The following TNFRSF19 variants were observed in gnomAD, a reference collection of about 807,000 sequenced individuals.
TNFRSF19 encodes TNF receptor superfamily member 19.
A neutral mutation model predicts 46.4 loss-of-function variants in TNFRSF19; 27 were observed. The ratio of observed to expected loss-of-function variants is 0.58; its 90% CI spans 0.43 to 0.80. TNFRSF19 has a LOEUF of 0.80. TNFRSF19 is among the 30% of genes least tolerant of loss of function. The pLI, the probability that TNFRSF19 is intolerant of heterozygous loss-of-function variation, is 0.00. For missense variants in TNFRSF19, 511 were observed against 530.8 expected, an observed-to-expected ratio of 0.96 and a Z score of 0.37; for synonymous variants, 204 against 205.0, an observed-to-expected ratio of 1.00 and a Z score of 0.04.
intron 1 of TNFRSF19, among the ~76,000 whole-genome samples, chr13:23,589,442 T>C (rs184075921): frequency 5.6e-4 from 85 of 152,362 alleles, no homozygotes; most frequent in Non-Finnish European, 1.0e-3. Context: ...AATTCATAAA[T>C]GCAAAATATT....
At chr13:23,574,762 C>T in intron 1 of TNFRSF19, among the ~76,000 whole-genome samples, 1 of 152,176 alleles carries the variant, frequency 6.6e-6, no homozygotes, top group East Asian at 1.9e-4. Flanking sequence ...GAGGGAGGCT[C>T]CCTGGTGGCT....
rs59117822 is a variant in TNFRSF19 at position 23,614,746 on chromosome 13, C to CATATATATAT, written c.181-1107_181-1098dup. Among the ~76,000 whole-genome samples the CATATATATAT allele has an allele frequency of 1.2e-3, 167 of 134,896 alleles. 3 individuals carry two copies. Among genetic ancestry groups the CATATATATAT allele is most frequent in the African/African-American group, 2.6e-3 (94 of 35,584 alleles). 88.5% of individuals were successfully genotyped at this position (134,896 alleles called of 152,430 possible). A position where few individuals can be genotyped will look rare whatever the true frequency, so the allele number is the denominator to read the frequency against. On this transcript the variant is annotated intron_variant, in intron 3 of 9. Coordinates refer to ENST00000248484, the MANE Select transcript of TNFRSF19 (RefSeq NM_148957.4). The stretch of plus-strand genomic sequence containing the variant: ...AGCCGCTTCCTGTGGATAAGTAATA[C>CATATATATAT]ATATATATATATATATATATATAGT...
At chr13:23,580,435 C>T (rs149128114) in intron 1 of TNFRSF19, among the ~76,000 whole-genome samples, 2 of 152,310 alleles carry the variant, frequency 1.3e-5, no homozygotes, top group African/African-American at 4.8e-5. Flanking sequence ...AAACAGGAAA[C>T]AGTTATTGTT....
intron 1 of TNFRSF19, among the ~76,000 whole-genome samples, chr13:23,571,128 C>T (rs1877609720): frequency 6.6e-6 from 1 of 152,166 alleles, no homozygotes; most frequent in Non-Finnish European, 1.5e-5. Flanking sequence ...CAGAACAGCG[C>T]TCACTTTAGC....
chr13:23,644,668 CAG>C (rs1192538294), intron 5 of TNFRSF19, among the ~76,000 whole-genome samples: 4 of 152,200 alleles, frequency 2.6e-5, no homozygotes. Context: ...ACGCAGCCCT[CAG>C]AGCATATTTG....
At chr13:23,588,939 G>A (rs1203204388) in intron 1 of TNFRSF19, among the ~76,000 whole-genome samples, 1 of 152,224 alleles carries the variant, frequency 6.6e-6, no homozygotes, top group Non-Finnish European at 1.5e-5. Flanking sequence ...GGTTCATCTG[G>A]GTTCAGCCAC....
intron 7 of TNFRSF19, among the ~76,000 whole-genome samples, chr13:23,666,122 T>C (rs1030858866): frequency 6.6e-5 from 10 of 152,254 alleles, no homozygotes; most frequent in African/African-American, 2.2e-4. Context: ...ATCTGGCCTA[T>C]GCCTGGTCAG....
intron 5 of TNFRSF19, among the ~76,000 whole-genome samples, chr13:23,632,164 T>C (rs1882397749): frequency 6.6e-6 from 1 of 151,786 alleles, no homozygotes; most frequent in Admixed American, 6.6e-5. Context: ...TTACTGAGGG[T>C]TTTCAAGTCG....
rs908226556 is a variant in TNFRSF19 at position 23,659,651 on chromosome 13, C to T, written c.610+437C>T. Among the ~76,000 whole-genome samples, 42 of 151,976 alleles carry T rather than the reference C, an allele frequency of 2.8e-4. No individual in the cohort carries two copies. Among genetic ancestry groups the T allele is most frequent in the Admixed American group, 7.9e-4 (12 of 15,242 alleles). ...CCTCCGGAGTAGCTGGGACTACAGG[C>T]GCCCGCCACCACGCCTGGATAATTT... On this transcript the variant is annotated intron_variant, in intron 6 of 9. Transcript: ENST00000248484. The surrounding 1 kb of genome is among the most constrained non-coding windows in gnomAD (Gnocchi z 4.9).
intron 5 of TNFRSF19, among the ~76,000 whole-genome samples, chr13:23,641,518 A>G (rs1883031377): frequency 6.6e-6 from 1 of 152,086 alleles, no homozygotes; most frequent in Non-Finnish European, 1.5e-5. Flanking sequence ...TTTAGCGGAG[A>G]TGGGATTTCA....
At position 23,659,740 on chromosome 13, in the gene TNFRSF19, C is replaced by T. The variant is rs892476432; in HGVS notation, c.610+526C>T. 4.6e-5 allele frequency among the ~76,000 whole-genome samples: 7 copies of T among 152,074 alleles called. No homozygotes were observed. The highest frequency in any genetic ancestry group is 2.6e-4 in the Admixed American group (4 of 15,264). The stretch of plus-strand genomic sequence containing the variant: ...CAGGCTGGTCTCGAACTCCTGACCT[C>T]GTGATCCGCCTGCCTCGGCCTCCCA... On this transcript the variant is annotated intron_variant, in intron 6 of 9. Coordinates refer to ENST00000248484, the MANE Select transcript of TNFRSF19 (RefSeq NM_148957.4). The surrounding 1 kb of genome is among the most constrained non-coding windows in gnomAD (Gnocchi z 4.9).
At chr13:23,668,629 C>G in intron 8 of TNFRSF19, 63 bp from the exon 9 acceptor site, 1 of 1,524,946 alleles carries the variant, frequency 6.6e-7, no homozygotes, top group Non-Finnish European at 8.8e-7. Context: ...GGCTGACATG[C>G]TTCTTTGTAG....
chr13:23,670,661 G>A (rs1031645636), intron 9 of TNFRSF19, among the ~76,000 whole-genome samples: 5 of 152,180 alleles, frequency 3.3e-5, no homozygotes, highest in African/African-American at 9.7e-5. Flanking sequence ...CCCACACAAC[G>A]TAGGAACTGA....
At chr13:23,658,786 G>T (rs747077474) in intron 5 of TNFRSF19, among the ~76,000 whole-genome samples, 1 of 152,246 alleles carries the variant, frequency 6.6e-6, no homozygotes, top group Non-Finnish European at 1.5e-5. Flanking sequence ...GCAGATTCTA[G>T]TAACACAATG....
At chr13:23,627,447 T>C (rs1185277821) in intron 5 of TNFRSF19, among the ~76,000 whole-genome samples, 1 of 152,140 alleles carries the variant, frequency 6.6e-6, no homozygotes, top group Non-Finnish European at 1.5e-5. Flanking sequence ...TTTCAAGTTA[T>C]CAACCAGCAT....
At chr13:23,614,267 T>C (rs549351664) in intron 3 of TNFRSF19, among the ~76,000 whole-genome samples, 48 of 152,310 alleles carry the variant, frequency 3.2e-4, no homozygotes, top group African/African-American at 1.1e-3. Context: ...AAAGTATCAC[T>C]CACCCAAAAT....
chr13:23,621,634 C>T (rs1032869702), intron 4 of TNFRSF19, among the ~76,000 whole-genome samples: 3 of 152,174 alleles, frequency 2.0e-5, no homozygotes, highest in African/African-American at 7.2e-5. Context: ...TAGCAGTTTT[C>T]AAACACTGTG....
chr13:23,623,672 G>T (rs1881818789), intron 4 of TNFRSF19, among the ~76,000 whole-genome samples: 1 of 152,122 alleles, frequency 6.6e-6, no homozygotes. Flanking sequence ...GGTGTGAGGT[G>T]ATATCTCATG....
intron 3 of TNFRSF19, among the ~76,000 whole-genome samples, chr13:23,611,502 C>T (rs1295391545): frequency 2.0e-5 from 3 of 152,124 alleles, no homozygotes; most frequent in African/African-American, 7.2e-5. Context: ...AGATACTGAG[C>T]ATGGCCAGAT....
Sources: gnomAD v4.1 joint callset for allele counts (sites outside exome capture counted in the v4.1 genomes callset) on GRCh38, gnomAD v4.1.1 for gene constraint, Gnocchi (gnomAD v3.1) non-coding constraint, MANE v1.5 for transcripts, NCBI Gene and HGNC (gene_info 2026-07-23, HGNC 2026-07-21) for gene names.